STXBP5: variants seen among roughly 807,000 people sequenced by gnomAD.
STXBP5 encodes the protein syntaxin binding protein 5.
STXBP5 carries 50 observed loss-of-function variants against 152.4 expected under a neutral mutation model. The ratio of observed to expected loss-of-function variants is 0.33; its 90% confidence interval spans 0.26 to 0.42. The LOEUF is 0.42. STXBP5 is among the 10% of genes least tolerant of loss of function. The probability of loss-of-function intolerance (pLI) is 1.00; values close to 1 mark genes in which losing one functional copy is unlikely to be tolerated. For synonymous variants in STXBP5, 492 were observed against 494.7 expected, an observed-to-expected ratio of 0.99 and a Z score of 0.07; for missense variants, 1,167 against 1,388.6, an observed-to-expected ratio of 0.84 and a Z score of 2.54.
Position 147,204,577 on chromosome 6 carries a change from C to G in STXBP5, c.45C>G (p.Ala15=), listed in dbSNP as rs1230109885. Residue 15 remains alanine (A), a synonymous_variant, in exon 1 of 28, where the codon GCC becomes GCG. Transcript: ENST00000321680. This position sits in a 1 kb window ranked among gnomAD's most constrained non-coding sequence, Gnocchi z 4.3. Reference sequence around the variant, plus strand: ...GGAAGGTGCTGGACGGCCTGACCGCCGGCTCGTCCTCGGCGTCGCAGCAGC... The same window carrying G: ...GGAAGGTGCTGGACGGCCTGACCGCGGGCTCGTCCTCGGCGTCGCAGCAGC... The part of the protein sequence containing the change: ...NIRKVLDGLT[A]GSSSASQQQQ... The G allele has an allele frequency of 1.2e-6, 2 of 1,609,872 alleles. No individual in the cohort carries two copies. The highest frequency in any genetic ancestry group is 1.7e-6 in the Non-Finnish European group (2 of 1,178,330).
chr6:147,211,308 CAAAAA>C (rs60677588), intron 2 of STXBP5, among the ~76,000 whole-genome samples: 1 of 67,056 alleles, frequency 1.5e-5, no homozygotes, highest in Non-Finnish European at 3.1e-5. Context: ...GACTCTGTCT[CAAAAA>C]AAAAAAAAAA....
At chr6:147,219,807 T>G (rs968508627) in intron 2 of STXBP5, among the ~76,000 whole-genome samples, 2 of 149,544 alleles carry the variant, frequency 1.3e-5, no homozygotes, top group African/African-American at 2.4e-5. Flanking sequence ...TTGTTTTTTT[T>G]TTTTTTTTTT....
intron 2 of STXBP5, among the ~76,000 whole-genome samples, chr6:147,228,252 A>G (rs1777828124): frequency 6.6e-6 from 1 of 152,146 alleles, no homozygotes; most frequent in Non-Finnish European, 1.5e-5. Flanking sequence ...TTTGAGGCCC[A>G]TGAATATCTA....
chr6:147,265,781 G>A (rs1010262274), intron 6 of STXBP5, among the ~76,000 whole-genome samples: 5 of 152,038 alleles, frequency 3.3e-5, no homozygotes, highest in Non-Finnish European at 5.9e-5. Context: ...GGCCCTGTGT[G>A]TTACGTTAGA....
At chr6:147,237,464 T>C (rs79237089) in intron 3 of STXBP5, among the ~76,000 whole-genome samples, 5,301 of 152,282 alleles carry the variant, frequency 0.035, 142 homozygotes, top group Admixed American at 0.053. Context: ...CTTCTCTTCT[T>C]CCTTGAGATT....
intron 4 of STXBP5, 28 bp from the exon 5 acceptor site, chr6:147,260,587 C>T: frequency 6.2e-7 from 1 of 1,612,810 alleles, no homozygotes; most frequent in Non-Finnish European, 8.5e-7. Context: ...TTTCAAATTT[C>T]TTTTTTGAGT....
intron 5 of STXBP5, among the ~76,000 whole-genome samples, chr6:147,261,754 G>T (rs1249363606): frequency 6.6e-6 from 1 of 151,886 alleles, no homozygotes; most frequent in African/African-American, 2.4e-5. Flanking sequence ...GGAGTGATCT[G>T]TCAAACTTGG....
At chr6:147,265,201 G>A (rs540613416) in intron 6 of STXBP5, among the ~76,000 whole-genome samples, 1 of 152,176 alleles carries the variant, frequency 6.6e-6, no homozygotes, top group Admixed American at 6.5e-5. Flanking sequence ...TAGGAAAGAA[G>A]AGATAAGGTT....
chr6:147,225,044 A>C (rs1777642302), intron 2 of STXBP5, among the ~76,000 whole-genome samples: 1 of 152,196 alleles, frequency 6.6e-6, no homozygotes, highest in African/African-American at 2.4e-5. Flanking sequence ...AAAAGGTTTA[A>C]ATTACCCTGT....
chr6:147,380,453 CAAA>C (rs1405289668), intron 26 of STXBP5, among the ~76,000 whole-genome samples: 3 of 63,668 alleles, frequency 4.7e-5, no homozygotes, highest in Non-Finnish European at 3.3e-5. Context: ...TATTCATCTG[CAAA>C]AAAAAAAAAA....
At chr6:147,216,238 A>G (rs1024257152) in intron 2 of STXBP5, among the ~76,000 whole-genome samples, 11 of 152,238 alleles carry the variant, frequency 7.2e-5, no homozygotes, top group African/African-American at 2.6e-4. Flanking sequence ...CTAAAAATAT[A>G]AAAATTTGCC....
chr6:147,259,262 A>T (rs1779530120), intron 4 of STXBP5, among the ~76,000 whole-genome samples: 1 of 152,198 alleles, frequency 6.6e-6, no homozygotes, highest in African/African-American at 2.4e-5. Flanking sequence ...TGCTTAAAAT[A>T]TCTCAGTCAT....
intron 25 of STXBP5, 106 bp downstream of exon 25, chr6:147,364,272 C>A: frequency 9.7e-7 from 1 of 1,031,240 alleles, no homozygotes; most frequent in Non-Finnish European, 1.4e-6. Flanking sequence ...AGTGAGCCTG[C>A]TTGGGAAAAT....
intron 4 of STXBP5, among the ~76,000 whole-genome samples, chr6:147,248,901 G>A (rs1418369819): frequency 6.6e-6 from 1 of 152,170 alleles, no homozygotes; most frequent in African/African-American, 2.4e-5. Context: ...AGTGTGAGAA[G>A]GATCCAGTGG....
At chr6:147,272,923 T>C (rs189983297) in intron 7 of STXBP5, among the ~76,000 whole-genome samples, 34 of 152,288 alleles carry the variant, frequency 2.2e-4, no homozygotes, top group African/African-American at 8.2e-4. Context: ...CCTGGTTGTG[T>C]CTCAATGATA....
At chr6:147,364,260 C>A in intron 25 of STXBP5, 94 bp downstream of exon 25, 2 of 1,135,924 alleles carry the variant, frequency 1.8e-6, no homozygotes, top group South Asian at 1.8e-5. Context: ...TGGAACTATA[C>A]AAGTGAGCCT....
At position 147,382,821 on chromosome 6, in the gene STXBP5, G is replaced by A; in HGVS notation, c.3237G>A (p.Gln1079=). The part of the protein sequence containing the change: ...SSGKASRSLA[Q]HIPGPGGIEG... ...GAAAGGCTTCAAGGAGCCTTGCACAGCATATTCCTGGCCCTGGTGGCATTG... is the reference window on the plus strand; with the variant it reads ...GAAAGGCTTCAAGGAGCCTTGCACAACATATTCCTGGCCCTGGTGGCATTG... Residue 1079 remains glutamine (Q), a synonymous_variant, in exon 27 of 28, where the codon CAG becomes CAA. Coordinates refer to ENST00000321680, the MANE Select transcript of STXBP5 (RefSeq NM_001127715.4). The A allele has an allele frequency of 6.2e-7, 1 of 1,613,558 alleles. No homozygotes were observed. The highest frequency in any genetic ancestry group is 8.5e-7 in the Non-Finnish European group (1 of 1,179,646).
chr6:147,327,361 G>C, intron 18 of STXBP5, 85 bp downstream of exon 18: 1 of 1,448,198 alleles, frequency 6.9e-7, no homozygotes, highest in Non-Finnish European at 9.2e-7. Context: ...ATTATAGTTA[G>C]GTAAATAGCT....
chr6:147,339,713 T>C (rs1339215575), intron 21 of STXBP5, among the ~76,000 whole-genome samples: 1 of 151,948 alleles, frequency 6.6e-6, no homozygotes, highest in African/African-American at 2.4e-5. Flanking sequence ...GGTTTCTTTA[T>C]AGTTTTATTT....
Sources: gnomAD v4.1 joint callset for allele counts (sites outside exome capture counted in the v4.1 genomes callset) on GRCh38, gnomAD v4.1.1 for gene constraint, Gnocchi (gnomAD v3.1) non-coding constraint, MANE v1.5 for transcripts, NCBI Gene and HGNC (gene_info 2026-07-23, HGNC 2026-07-21) for gene names.